The following ZBTB20 variants were observed in gnomAD, a reference collection of about 807,000 sequenced individuals.
ZBTB20 encodes zinc finger and BTB domain-containing protein 20.
A neutral mutation model predicts 56.9 loss-of-function variants in ZBTB20; 9 were observed. That is an observed-to-expected ratio of 0.16 (90% CI 0.10 to 0.28). The LOEUF is 0.28. ZBTB20 is among the 10% of genes least tolerant of loss of function. The pLI is 1.00. For missense variants in ZBTB20, 655 were observed against 1,003.0 expected, an observed-to-expected ratio of 0.65 and a Z score of 4.69; for synonymous variants, 417 against 420.7, an observed-to-expected ratio of 0.99 and a Z score of 0.11.
At chr3:114,430,542 A>G (rs967607670) in intron 7 of ZBTB20, among the ~76,000 whole-genome samples, 2 of 152,156 alleles carry the variant, frequency 1.3e-5, no homozygotes, top group Non-Finnish European at 2.9e-5. Context: ...GAATATAAAC[A>G]CACATTTTCT....
chr3:115,088,282 C>T (rs1168795012), intron 1 of ZBTB20, among the ~76,000 whole-genome samples: 2 of 151,804 alleles, frequency 1.3e-5, no homozygotes, highest in African/African-American at 4.8e-5. Context: ...TCTTCTCTGA[C>T]AGTATTCTAA....
At chr3:114,629,416 T>C (rs1290052747) in intron 6 of ZBTB20, among the ~76,000 whole-genome samples, 1 of 152,194 alleles carries the variant, frequency 6.6e-6, no homozygotes, top group East Asian at 1.9e-4. Flanking sequence ...CAAATTATTT[T>C]TTAGTACAGC....
intron 7 of ZBTB20, among the ~76,000 whole-genome samples, chr3:114,404,085 G>A (rs764819227): frequency 6.6e-6 from 1 of 152,164 alleles, no homozygotes; most frequent in African/African-American, 2.4e-5. Flanking sequence ...AGTTTGCAGT[G>A]AGTATTAGGT....
intron 6 of ZBTB20, among the ~76,000 whole-genome samples, chr3:114,607,286 CA>C (rs1336183922): frequency 6.9e-6 from 1 of 144,610 alleles, no homozygotes; most frequent in Non-Finnish European, 1.5e-5. Context: ...CTAGAAAAAG[CA>C]TAAAACTGTT....
chr3:114,673,998 C>A (rs1266982018), intron 6 of ZBTB20, among the ~76,000 whole-genome samples: 1 of 151,994 alleles, frequency 6.6e-6, no homozygotes, highest in South Asian at 2.1e-4. Context: ...TTTAGGAAAC[C>A]AAAATATATA....
chr3:114,609,361 T>A (rs1225163905), intron 6 of ZBTB20, among the ~76,000 whole-genome samples: 1 of 152,174 alleles, frequency 6.6e-6, no homozygotes, highest in East Asian at 1.9e-4. Flanking sequence ...ATTCGTTAAT[T>A]TTGGTTGTAC....
At chr3:114,546,576 A>T (rs1404589779) in intron 6 of ZBTB20, among the ~76,000 whole-genome samples, 26 of 139,638 alleles carry the variant, frequency 1.9e-4, no homozygotes, top group Non-Finnish European at 7.7e-5. Flanking sequence ...TTTTTTTTTA[A>T]TCCAGACTGG....
In ZBTB20 at chr3:115,001,461, T is replaced by G. The variant is rs542621964; in HGVS notation, c.-506-27045A>C. On this transcript the variant is annotated intron_variant, in intron 2 of 11. Coordinates refer to ENST00000675478, the MANE Select transcript of ZBTB20 (RefSeq NM_001348800.3). ...AATGGGGAGCTTTTTTTAAATCACA[T>G]ATTAAAAAAGAAGAATTGGGAACCA... Among the ~76,000 whole-genome samples the G allele has an allele frequency of 2.6e-5, 4 of 151,100 alleles. No homozygotes were observed. The East Asian group carries it at 7.8e-4, about 30-fold the overall frequency.
chr3:114,539,842 C>T (rs2048907857), intron 6 of ZBTB20, among the ~76,000 whole-genome samples: 1 of 151,708 alleles, frequency 6.6e-6, no homozygotes, highest in South Asian at 2.1e-4. Flanking sequence ...ACATTTTTGC[C>T]AAGTCTCTCT....
At chr3:114,495,861 G>T (rs1222864909) in intron 7 of ZBTB20, among the ~76,000 whole-genome samples, 1 of 152,184 alleles carries the variant, frequency 6.6e-6, no homozygotes, top group African/African-American at 2.4e-5. Flanking sequence ...ATTTATGCAG[G>T]TATATGCAAA....
chr3:115,099,979 G>A (rs983523650), intron 1 of ZBTB20, among the ~76,000 whole-genome samples: 2 of 152,068 alleles, frequency 1.3e-5, no homozygotes, highest in Non-Finnish European at 2.9e-5. Context: ...CCCTAAGTAA[G>A]TAGGAAGAAA....
intron 5 of ZBTB20, among the ~76,000 whole-genome samples, chr3:114,717,604 A>C (rs2064576078): frequency 6.6e-6 from 1 of 152,120 alleles, no homozygotes; most frequent in African/African-American, 2.4e-5. Context: ...GTGTATATTT[A>C]TATGCTATTC....
intron 4 of ZBTB20, among the ~76,000 whole-genome samples, chr3:114,830,676 T>TA (rs1212583107): frequency 6.6e-6 from 1 of 152,088 alleles, no homozygotes; most frequent in Admixed American, 6.6e-5. Flanking sequence ...TCAGAGAAGT[T>TA]AGAGTTAAGT....
chr3:114,592,689 G>A (rs2055896073), intron 6 of ZBTB20, among the ~76,000 whole-genome samples: 1 of 152,134 alleles, frequency 6.6e-6, no homozygotes, highest in Admixed American at 6.5e-5. Context: ...ACATAACAAT[G>A]TTTTTAATAA....
At chr3:114,496,745 A>G (rs891133360) in intron 7 of ZBTB20, among the ~76,000 whole-genome samples, 2 of 152,254 alleles carry the variant, frequency 1.3e-5, no homozygotes, top group Non-Finnish European at 2.9e-5. Context: ...GTTGCAATTC[A>G]GTTCAATGGT....
intron 5 of ZBTB20, among the ~76,000 whole-genome samples, chr3:114,793,263 T>C (rs1227436838): frequency 6.6e-6 from 1 of 152,170 alleles, no homozygotes; most frequent in East Asian, 1.9e-4. Flanking sequence ...AGGCTTTAAT[T>C]AAGTTAGTCT....
At chr3:115,101,310 G>GA (rs374292022) in intron 1 of ZBTB20, among the ~76,000 whole-genome samples, 21 of 151,598 alleles carry the variant, frequency 1.4e-4, no homozygotes, top group Admixed American at 6.6e-4. Flanking sequence ...CCTTAAAAGA[G>GA]AAAAAAAACA....
At chr3:114,512,139 G>A (rs1032702183) in intron 6 of ZBTB20, among the ~76,000 whole-genome samples, 1 of 105,548 alleles carries the variant, frequency 9.5e-6, no homozygotes, top group Non-Finnish European at 1.8e-5. Context: ...ATGCAAAATT[G>A]GTCCAACAGA....
chr3:114,853,592 C>T (rs1445577275), intron 4 of ZBTB20, among the ~76,000 whole-genome samples: 1 of 152,192 alleles, frequency 6.6e-6, no homozygotes, highest in African/African-American at 2.4e-5. Context: ...GGACTAATCC[C>T]TTGTAAGGTG....
Sources: gnomAD v4.1 joint callset for allele counts (sites outside exome capture counted in the v4.1 genomes callset) on GRCh38, gnomAD v4.1.1 for gene constraint, MANE v1.5 for transcripts, NCBI Gene and HGNC (gene_info 2026-07-23, HGNC 2026-07-21) for gene names.